The following HERPUD2 variants were observed in gnomAD, a reference collection of about 807,000 sequenced individuals.
The protein encoded by HERPUD2 is homocysteine-responsive endoplasmic reticulum-resident ubiquitin-like domain member 2 protein.
HERPUD2 carries 13 observed loss-of-function variants against 49.9 expected under a neutral mutation model. That is an observed-to-expected ratio of 0.26 (90% CI 0.17 to 0.41). The LOEUF (loss-of-function observed/expected upper bound fraction) is 0.41. HERPUD2 is among the 10% of genes least tolerant of loss of function. The probability of loss-of-function intolerance (pLI) is 1.00; values close to 1 mark genes in which losing one functional copy is unlikely to be tolerated. For missense variants in HERPUD2, 449 were observed against 492.2 expected, an observed-to-expected ratio of 0.91 and a Z score of 0.83; for synonymous variants, 172 against 171.4, an observed-to-expected ratio of 1.00 and a Z score of -0.03.
chr7:35,683,791 C>A (rs550468159), intron 2 of HERPUD2, among the ~76,000 whole-genome samples: 1 of 152,174 alleles, frequency 6.6e-6, no homozygotes, highest in Non-Finnish European at 1.5e-5. Context: ...AAATGGCCAA[C>A]AAACATATGA....
At chr7:35,674,404 T>TATATATATATATATATATATAG (rs1785711309) in intron 2 of HERPUD2, among the ~76,000 whole-genome samples, 1 of 38,136 alleles carries the variant, frequency 2.6e-5, no homozygotes. Context: ...TATATATATA[T>TATATATATATATATATATATAG]AGAGAGAGAG....
At chr7:35,654,713 T>C (rs1409781639) in intron 5 of HERPUD2, among the ~76,000 whole-genome samples, 1 of 151,680 alleles carries the variant, frequency 6.6e-6, no homozygotes, top group Non-Finnish European at 1.5e-5. Context: ...TCATGCTCTG[T>C]TGCCCAGGCT....
At chr7:35,649,896 T>C (rs1379845850) in intron 5 of HERPUD2, among the ~76,000 whole-genome samples, 1 of 152,136 alleles carries the variant, frequency 6.6e-6, no homozygotes, top group African/African-American at 2.4e-5. Flanking sequence ...TAATGAGGGA[T>C]GTCCCACCCT....
At chr7:35,669,461 C>G (rs1425540338) in intron 4 of HERPUD2, among the ~76,000 whole-genome samples, 1 of 152,152 alleles carries the variant, frequency 6.6e-6, no homozygotes, top group African/African-American at 2.4e-5. Flanking sequence ...GAAAAGTTCC[C>G]TGACTGCTCA....
At chr7:35,664,789 G>T (rs1038647558) in intron 5 of HERPUD2, among the ~76,000 whole-genome samples, 1 of 152,134 alleles carries the variant, frequency 6.6e-6, no homozygotes, top group Admixed American at 6.5e-5. Flanking sequence ...TTAGCCATTT[G>T]TCTACTCTTT....
chr7:35,670,312 A>G lies in HERPUD2; in HGVS notation c.242T>C (p.Met81Thr). Residue 81 changes from methionine (M) to threonine (T), a missense_variant, in exon 4 of 9, where the codon ATG (methionine) becomes ACG (threonine). By Grantham distance (81) the Met-to-Thr change is moderately conservative (BLOSUM62 -1). Coordinates refer to ENST00000311350, the MANE Select transcript of HERPUD2 (RefSeq NM_022373.5). ...DILRKQDEYH[M>T]VHLVCTSRTP... Reference sequence around the variant, plus strand: ...CCGAGAAGTACATACTAGATGAACCATATGATACTCATCTTGCTAAAATTA... The same window carrying G: ...CCGAGAAGTACATACTAGATGAACCGTATGATACTCATCTTGCTAAAATTA... 1 of 1,496,292 alleles carries G rather than the reference A, an allele frequency of 6.7e-7. No homozygotes were observed. Among genetic ancestry groups the G allele is most frequent in the Non-Finnish European group, 9.1e-7 (1 of 1,103,912 alleles). The allele number at this position is 1,496,292 out of a possible 1,614,324, so 92.7% of individuals were successfully genotyped here. A position where few individuals can be genotyped will look rare whatever the true frequency, so the allele number is the denominator to read the frequency against.
At chr7:35,667,312 C>A in intron 5 of HERPUD2, 122 bp downstream of exon 5, 1 of 914,442 alleles carries the variant, frequency 1.1e-6, no homozygotes, top group South Asian at 2.0e-5. Flanking sequence ...AATACAAAAT[C>A]AAATATATGA....
intron 2 of HERPUD2, among the ~76,000 whole-genome samples, chr7:35,687,864 T>C (rs1396649458): frequency 6.6e-6 from 1 of 152,222 alleles, no homozygotes; most frequent in African/African-American, 2.4e-5. Flanking sequence ...TAGTATCAAA[T>C]GATTAAATTT....
chr7:35,681,201 T>G lies in HERPUD2; in HGVS notation c.148-7923A>C, dbSNP rs145607888. On this transcript the variant is annotated intron_variant, in intron 2 of 8. Transcript: ENST00000311350. Reference sequence around the variant, plus strand: ...TTTTTCTTTAAATTAATAGTCAACTTTGAATAAATGATTTTATCTTTCCAC... The same window carrying G: ...TTTTTCTTTAAATTAATAGTCAACTGTGAATAAATGATTTTATCTTTCCAC... Among the ~76,000 whole-genome samples, 643 of 152,310 alleles carry G rather than the reference T, an allele frequency of 4.2e-3. 4 individuals carry two copies. The highest frequency in any genetic ancestry group is 0.015 in the African/African-American group (630 of 41,554).
intron 2 of HERPUD2, among the ~76,000 whole-genome samples, chr7:35,674,690 G>C (rs1247230092): frequency 2.1e-4 from 32 of 151,240 alleles, no homozygotes; most frequent in Non-Finnish European, 2.4e-4. Context: ...CAGAGAGGGA[G>C]AGTGGCTTAA....
At chr7:35,648,274 A>C (rs1300988842) in intron 5 of HERPUD2, among the ~76,000 whole-genome samples, 1 of 152,226 alleles carries the variant, frequency 6.6e-6, no homozygotes, top group Non-Finnish European at 1.5e-5. Context: ...TGATTATGGT[A>C]ATATTTCACG....
In HERPUD2 at chr7:35,637,028, G is replaced by A. The variant is rs376377346; in HGVS notation, c.617+1322C>T. On this transcript the variant is annotated intron_variant, in intron 6 of 8. Coordinates refer to ENST00000311350, the MANE Select transcript of HERPUD2 (RefSeq NM_022373.5). ...ACATATCTGTAATCTCGGCTACTGC[G>A]AGGCTGAGGCACAAGAATCGCTTGA... 1.2e-4 allele frequency among the ~76,000 whole-genome samples: 19 copies of A among 152,154 alleles called. 1 individual carries two copies. Among genetic ancestry groups the A allele is most frequent in the African/African-American group, 4.1e-4 (17 of 41,488 alleles).
At chr7:35,641,990 T>C (rs188705451) in intron 5 of HERPUD2, among the ~76,000 whole-genome samples, 84 of 152,298 alleles carry the variant, frequency 5.5e-4, no homozygotes, top group African/African-American at 2.0e-3. Flanking sequence ...TAAGAGCTTC[T>C]GCACAGCAAA....
chr7:35,636,497 T>C (rs1176535007), intron 6 of HERPUD2, among the ~76,000 whole-genome samples: 1 of 152,164 alleles, frequency 6.6e-6, no homozygotes, highest in Non-Finnish European at 1.5e-5. Context: ...TAAGAGTATA[T>C]GATTTAGCAG....
chr7:35,671,756 T>C (rs1471339635), intron 3 of HERPUD2, among the ~76,000 whole-genome samples: 1 of 152,100 alleles, frequency 6.6e-6, no homozygotes, highest in Non-Finnish European at 1.5e-5. Context: ...GTTCTTTGAC[T>C]GAAGCAGTTT....
chr7:35,655,041 A>G (rs1785244999), intron 5 of HERPUD2, among the ~76,000 whole-genome samples: 1 of 152,100 alleles, frequency 6.6e-6, no homozygotes, highest in Non-Finnish European at 1.5e-5. Flanking sequence ...TAGTAGAGAC[A>G]GGGTTTCACA....
At chr7:35,677,188 T>A (rs1156323893) in intron 2 of HERPUD2, among the ~76,000 whole-genome samples, 3 of 152,228 alleles carry the variant, frequency 2.0e-5, no homozygotes, top group Non-Finnish European at 4.4e-5. Flanking sequence ...AATACACACA[T>A]ACTCCTATTT....
chr7:35,671,374 G>C (rs768844705), intron 3 of HERPUD2, among the ~76,000 whole-genome samples: 3 of 151,996 alleles, frequency 2.0e-5, no homozygotes, highest in Non-Finnish European at 4.4e-5. Context: ...GAGTTACTAA[G>C]GGTTAGAATG....
intron 5 of HERPUD2, among the ~76,000 whole-genome samples, chr7:35,666,490 C>T (rs1380942026): frequency 6.6e-6 from 1 of 152,230 alleles, no homozygotes; most frequent in Non-Finnish European, 1.5e-5. Context: ...TTCTGAGGTC[C>T]TAGCCATATT....
Sources: allele counts gnomAD v4.1 joint callset (sites outside exome capture counted in the v4.1 genomes callset), GRCh38; gene constraint gnomAD v4.1.1; transcripts MANE v1.5; gene names NCBI Gene and HGNC (gene_info 2026-07-23, HGNC 2026-07-21).